MAGI2: variants seen among roughly 807,000 people sequenced by gnomAD.
The protein encoded by MAGI2 is membrane associated guanylate kinase, WW and PDZ domain containing 2.
A neutral mutation model predicts 133.3 loss-of-function variants in MAGI2; 35 were observed. That is an observed-to-expected ratio of 0.26 (90% confidence interval 0.20 to 0.35). MAGI2 has a LOEUF of 0.35. Ranked by LOEUF, MAGI2 falls within the 10% of genes least tolerant of loss-of-function variation. The pLI, the probability that MAGI2 is intolerant of heterozygous loss-of-function variation, is 1.00. For missense variants in MAGI2, 1,636 were observed against 1,863.4 expected, an observed-to-expected ratio of 0.88 and a Z score of 2.25; for synonymous variants, 729 against 710.6, an observed-to-expected ratio of 1.03 and a Z score of -0.41.
At chr7:79,387,359 CACTTAG>C (rs936983848) in intron 1 of MAGI2, among the ~76,000 whole-genome samples, 34 of 152,016 alleles carry the variant, frequency 2.2e-4, no homozygotes, top group African/African-American at 8.0e-4. Context: ...TTTCGATTAC[CACTTAG>C]ACGTTCAACT....
intron 2 of MAGI2, among the ~76,000 whole-genome samples, chr7:78,965,819 T>C (rs756031678): frequency 3.9e-5 from 6 of 152,130 alleles, no homozygotes; most frequent in Non-Finnish European, 4.4e-5. Flanking sequence ...CTTGTCTGAA[T>C]GTTCTGTTGG....
At chr7:78,506,724 C>T (rs1166179663) in intron 4 of MAGI2, among the ~76,000 whole-genome samples, 2 of 152,186 alleles carry the variant, frequency 1.3e-5, no homozygotes, top group Non-Finnish European at 2.9e-5. Context: ...TCACTGGTGA[C>T]ACTGGCTGCC....
chr7:78,373,380 C>T (rs958534023), intron 6 of MAGI2, among the ~76,000 whole-genome samples: 1 of 152,084 alleles, frequency 6.6e-6, no homozygotes. Context: ...ATTAGGTAAT[C>T]GTTTATACGG....
At chr7:78,593,253 T>G (rs1029204345) in intron 3 of MAGI2, among the ~76,000 whole-genome samples, 2 of 151,708 alleles carry the variant, frequency 1.3e-5, no homozygotes, top group Non-Finnish European at 2.9e-5. Context: ...TTAGCCAGGC[T>G]TGGTGGCGGG....
intron 1 of MAGI2, among the ~76,000 whole-genome samples, chr7:79,240,215 A>T (rs1026077824): frequency 1.3e-5 from 2 of 152,142 alleles, no homozygotes; most frequent in Non-Finnish European, 2.9e-5. Context: ...TTAAAGGATG[A>T]GCAGGAGTCA....
chr7:78,631,281 C>T (rs1808968368), intron 2 of MAGI2, among the ~76,000 whole-genome samples: 1 of 152,158 alleles, frequency 6.6e-6, no homozygotes, highest in African/African-American at 2.4e-5. Context: ...TCCCTCACTC[C>T]TTTATCCCAT....
intron 20 of MAGI2, among the ~76,000 whole-genome samples, chr7:78,111,147 A>T (rs529850582): frequency 3.0e-4 from 45 of 152,260 alleles, no homozygotes; most frequent in Middle Eastern, 3.4e-3. Context: ...ATGAAGAGGG[A>T]AGAAATTGTA....
chr7:78,663,272 T>C (rs1249329599), intron 2 of MAGI2, among the ~76,000 whole-genome samples: 2 of 149,512 alleles, frequency 1.3e-5, no homozygotes, highest in African/African-American at 4.9e-5. Context: ...AGTGGCCTGA[T>C]CTCTGCTCAC....
chr7:78,880,545 T>C (rs73373274), intron 2 of MAGI2, among the ~76,000 whole-genome samples: 2,497 of 152,258 alleles, frequency 0.016, 67 homozygotes, highest in African/African-American at 0.057. Flanking sequence ...TTGTTACCAC[T>C]AGACCAGATT....
At chr7:78,750,885 T>A (rs371477328) in intron 2 of MAGI2, among the ~76,000 whole-genome samples, 2 of 152,318 alleles carry the variant, frequency 1.3e-5, no homozygotes, top group African/African-American at 4.8e-5. Context: ...TATAATCCAA[T>A]GGCTAAAGAA....
chr7:79,264,988 C>A (rs998911616), intron 1 of MAGI2, among the ~76,000 whole-genome samples: 1 of 152,040 alleles, frequency 6.6e-6, no homozygotes, highest in Non-Finnish European at 1.5e-5. Flanking sequence ...GAGGAATTTA[C>A]CCCCATGACC....
chr7:79,016,917 A>C (rs909696735), intron 1 of MAGI2, among the ~76,000 whole-genome samples: 5 of 152,238 alleles, frequency 3.3e-5, no homozygotes, highest in African/African-American at 1.2e-4. Context: ...CATGCCTGCC[A>C]GTGCCACATC....
intron 2 of MAGI2, among the ~76,000 whole-genome samples, chr7:78,929,098 A>C (rs1799921956): frequency 6.6e-6 from 1 of 152,254 alleles, no homozygotes; most frequent in Non-Finnish European, 1.5e-5. Context: ...TAGAATAGCT[A>C]ATGCTAAAAC....
chr7:78,343,514 A>C (rs957863634), intron 9 of MAGI2, among the ~76,000 whole-genome samples: 13 of 152,234 alleles, frequency 8.5e-5, no homozygotes, highest in African/African-American at 2.9e-4. Context: ...ATAAATTAGA[A>C]AAGTGTCAAT....
intron 10 of MAGI2, among the ~76,000 whole-genome samples, chr7:78,241,580 A>G (rs976123544): frequency 6.6e-6 from 1 of 152,350 alleles, no homozygotes; most frequent in Admixed American, 6.5e-5. Flanking sequence ...TACATATACC[A>G]GTGGCTTGAG....
intron 10 of MAGI2, among the ~76,000 whole-genome samples, chr7:78,221,442 A>G (rs79749513): frequency 0.017 from 2,661 of 152,296 alleles, 73 homozygotes; most frequent in African/African-American, 0.058. Context: ...GAACTAGACT[A>G]ACTTTATTGT....
chr7:78,410,710 G>T (rs191279722), intron 6 of MAGI2, among the ~76,000 whole-genome samples: 16 of 151,978 alleles, frequency 1.1e-4, no homozygotes, highest in African/African-American at 3.9e-4. Context: ...GGGAGAAAAA[G>T]AGTAAGATGG....
At position 78,195,033 on chromosome 7, in the gene MAGI2, G is replaced by A. The variant is rs369338625; in HGVS notation, c.2110C>T (p.Pro704Ser). 1.2e-6 allele frequency: 2 copies of A among 1,612,168 alleles called. No homozygotes were observed. Among genetic ancestry groups the A allele is most frequent in the East Asian group, 2.2e-5 (1 of 44,798 alleles). The change falls in exon 12 of 22, where the codon CCT becomes TCT. Residue 704 changes from proline to serine, a missense_variant. Physicochemically the swap from Pro to Ser is moderately conservative, Grantham distance 74. Transcript: ENST00000354212. ...GCCGGAGCAGATAAACTCGTTTGAG[G>A]ACTGCCTTGATTCTCCCATCGGTCC... ...IMDRWENQGS[P>S]QTSLSAPAIP...
intron 1 of MAGI2, among the ~76,000 whole-genome samples, chr7:79,427,490 C>T (rs1472056523): frequency 6.6e-6 from 1 of 152,106 alleles, no homozygotes; most frequent in Non-Finnish European, 1.5e-5. Flanking sequence ...GTAGATATCA[C>T]TTCTAATAGA....
Sources: gnomAD v4.1 joint callset for allele counts (sites outside exome capture counted in the v4.1 genomes callset) on GRCh38, gnomAD v4.1.1 for gene constraint, MANE v1.5 for transcripts, NCBI Gene and HGNC (gene_info 2026-07-23, HGNC 2026-07-21) for gene names.